Variants in NGEF observed in about 807,000 individuals in gnomAD.
NGEF encodes the protein neuronal guanine nucleotide exchange factor, also known as ephexin-1.
In NGEF, 31 loss-of-function variants were observed where a neutral mutation model predicts 80.9. The observed-to-expected ratio is 0.38, with a 90% CI of 0.29 to 0.52. NGEF has a LOEUF of 0.52. NGEF is among the 20% of genes least tolerant of loss of function. The pLI is 0.84. For missense variants in NGEF, 709 were observed against 926.2 expected, an observed-to-expected ratio of 0.77 and a Z score of 3.04; for synonymous variants, 371 against 370.2, an observed-to-expected ratio of 1.00 and a Z score of -0.03.
At chr2:232,908,734 G>A (rs775504221) in intron 5 of NGEF, among the ~76,000 whole-genome samples, 18 of 150,492 alleles carry the variant, frequency 1.2e-4, no homozygotes, top group Non-Finnish European at 2.4e-4. Flanking sequence ...TTTTGTTGCT[G>A]TTTTTTTGGT....
intron 1 of NGEF, among the ~76,000 whole-genome samples, chr2:233,000,629 G>A (rs960973049): frequency 6.1e-4 from 93 of 152,104 alleles, no homozygotes; most frequent in Middle Eastern, 3.4e-3. Context: ...GCGTGGTGGC[G>A]GGCGCCTGTA....
At chr2:232,988,680 A>G (rs1026399769) in intron 1 of NGEF, among the ~76,000 whole-genome samples, 2 of 152,218 alleles carry the variant, frequency 1.3e-5, no homozygotes, top group Non-Finnish European at 2.9e-5. Context: ...GACTCACTCC[A>G]GCATCATCCT....
chr2:232,942,152 C>T (rs1693450345), intron 3 of NGEF, among the ~76,000 whole-genome samples: 1 of 152,246 alleles, frequency 6.6e-6, no homozygotes, highest in Non-Finnish European at 1.5e-5. Flanking sequence ...AATGCCACCT[C>T]CTCCAGGAAG....
chr2:232,946,115 T>C (rs1049768340), intron 3 of NGEF, among the ~76,000 whole-genome samples: 7 of 151,490 alleles, frequency 4.6e-5, no homozygotes, highest in Non-Finnish European at 1.0e-4. Flanking sequence ...TAAAAAGGAA[T>C]GAATTAATGG....
At chr2:232,924,894 A>G (rs2106281389) in intron 4 of NGEF, among the ~76,000 whole-genome samples, 1 of 152,360 alleles carries the variant, frequency 6.6e-6, no homozygotes, top group African/African-American at 2.4e-5. Flanking sequence ...TTCTGGAGTT[A>G]CTGTGTTACA....
chr2:232,914,166 G>A (rs368058195), intron 5 of NGEF, among the ~76,000 whole-genome samples: 1 of 152,210 alleles, frequency 6.6e-6, no homozygotes, highest in South Asian at 2.1e-4. Context: ...CACAACGACA[G>A]AGCTGGGTAG....
rs566320946 is a variant in NGEF, at chr2:233,011,836, T to C, written c.-75+1232A>G. On this transcript the variant is annotated intron_variant, in intron 1 of 14. Coordinates refer to ENST00000264051, the MANE Select transcript of NGEF (RefSeq NM_019850.3). ...AAGCTGTGGAATGTTACTCACACTG[T>C]CATTGGATCAACCCCTGGCTTTCCT... Among the ~76,000 whole-genome samples, 414 of 152,256 alleles carry C rather than the reference T, an allele frequency of 2.7e-3. 3 individuals carry two copies. Among genetic ancestry groups the C allele is most frequent in the Non-Finnish European group, 5.0e-3 (337 of 68,020 alleles).
At chr2:232,952,984 A>C (rs928557638) in intron 3 of NGEF, among the ~76,000 whole-genome samples, 3 of 97,518 alleles carry the variant, frequency 3.1e-5, no homozygotes, top group Non-Finnish European at 7.0e-5. Context: ...AAAAAAAAAA[A>C]AAAAAAAAAA....
intron 3 of NGEF, among the ~76,000 whole-genome samples, chr2:232,929,705 G>A (rs1300141962): frequency 2.6e-5 from 4 of 152,182 alleles, no homozygotes; most frequent in African/African-American, 7.2e-5. Context: ...TCTGCTCACT[G>A]GCCATCTCCA....
chr2:232,989,692 G>A (rs548012192), intron 1 of NGEF, among the ~76,000 whole-genome samples: 36 of 152,232 alleles, frequency 2.4e-4, no homozygotes, highest in African/African-American at 8.2e-4. Context: ...GAAAAGTAAA[G>A]CTGTTTTATA....
chr2:232,888,201 T>A, intron 8 of NGEF, 94 bp from the exon 9 acceptor site: 1 of 843,862 alleles, frequency 1.2e-6, no homozygotes, highest in Non-Finnish European at 1.9e-6. Flanking sequence ...ACTGCACCAG[T>A]CCAGCCCCAT....
intron 2 of NGEF, among the ~76,000 whole-genome samples, chr2:232,971,337 G>A (rs987912219): frequency 3.9e-5 from 6 of 152,090 alleles, no homozygotes; most frequent in Admixed American, 2.6e-4. Context: ...AGGAAGTACT[G>A]AGCAGTCAAA....
chr2:232,898,973 T>C (rs563213327), intron 5 of NGEF, among the ~76,000 whole-genome samples: 17 of 140,944 alleles, frequency 1.2e-4, no homozygotes, highest in Non-Finnish European at 2.4e-4. Context: ...TGTGAATGCA[T>C]GTGTGTGTGT....
At chr2:233,012,148 C>T (rs931356590) in intron 1 of NGEF, among the ~76,000 whole-genome samples, 1 of 152,128 alleles carries the variant, frequency 6.6e-6, no homozygotes, top group African/African-American at 2.4e-5. Context: ...CAAGCTGGAA[C>T]ATTCCCACCA....
intron 1 of NGEF, among the ~76,000 whole-genome samples, chr2:232,980,203 C>T (rs1192431424): frequency 2.6e-5 from 4 of 152,172 alleles, no homozygotes; most frequent in African/African-American, 7.2e-5. Context: ...GTGGCTGTTA[C>T]ACCTCCCAGC....
At chr2:232,908,572 T>C (rs1692627522) in intron 5 of NGEF, among the ~76,000 whole-genome samples, 1 of 152,084 alleles carries the variant, frequency 6.6e-6, no homozygotes, top group South Asian at 2.1e-4. Flanking sequence ...ATTTTATTCA[T>C]TTATTTATTT....
At chr2:232,971,985 C>T (rs2106322105) in intron 2 of NGEF, among the ~76,000 whole-genome samples, 1 of 152,336 alleles carries the variant, frequency 6.6e-6, no homozygotes, top group Admixed American at 6.5e-5. Context: ...CCCTGTCCAA[C>T]AGGGTGGCCG....
chr2:232,885,535 TAGC>T (rs1691650638), intron 9 of NGEF, 166 bp from the exon 10 acceptor site: 1 of 608,356 alleles, frequency 1.6e-6, no homozygotes. Context: ...CTCCTCTTTC[TAGC>T]ACCTTGTGGG....
chr2:232,913,587 T>C (rs1692733527), intron 5 of NGEF, among the ~76,000 whole-genome samples: 1 of 152,202 alleles, frequency 6.6e-6, no homozygotes, highest in Admixed American at 6.5e-5. Flanking sequence ...ATATTGACTA[T>C]ATTTATATAT....
Sources: allele counts gnomAD v4.1 joint callset (sites outside exome capture counted in the v4.1 genomes callset), GRCh38; gene constraint gnomAD v4.1.1; transcripts MANE v1.5; gene names NCBI Gene and HGNC (gene_info 2026-07-23, HGNC 2026-07-21).